Variants in CRTAP observed in about 807,000 individuals in gnomAD.
CRTAP encodes the protein cartilage associated protein, also known as cartilage-associated protein.
A neutral mutation model predicts 42.7 loss-of-function variants in CRTAP; 33 were observed. That is an observed-to-expected ratio of 0.77 (90% CI 0.59 to 1.03). The LOEUF (loss-of-function observed/expected upper bound fraction) is 1.03. Among genes scored for constraint, CRTAP ranks in the 50% least tolerant of loss-of-function variants. CRTAP has a pLI of 0.00. For synonymous variants in CRTAP, 243 were observed against 217.7 expected, an observed-to-expected ratio of 1.12 and a Z score of -1.02; for missense variants, 613 against 533.9, an observed-to-expected ratio of 1.15 and a Z score of -1.46.
intron 4 of CRTAP, among the ~76,000 whole-genome samples, chr3:33,131,486 C>T (rs1301075417): frequency 1.3e-5 from 2 of 152,156 alleles, no homozygotes; most frequent in East Asian, 1.9e-4. Flanking sequence ...GCTCCCTGGG[C>T]CTCTGAAATC....
rs1300091723 is a variant in CRTAP at position 33,142,644 on chromosome 3, T to C, written c.*196T>C. The C allele has an allele frequency of 2.1e-5, 12 of 580,284 alleles. No homozygotes were observed. The allele number at this position is 580,284 out of a possible 1,614,324, so 35.9% of individuals were successfully genotyped here. ...CTATCTTCACACCTGCCACCTCATG[T>C]TCACACCTATCTTTCTCACCTTTTT... On this transcript the variant is annotated 3_prime_UTR_variant, in exon 7 of 7. Transcript: ENST00000320954.
At chr3:33,130,893 C>T (rs982145045) in intron 4 of CRTAP, among the ~76,000 whole-genome samples, 4 of 152,082 alleles carry the variant, frequency 2.6e-5, no homozygotes, top group African/African-American at 9.7e-5. Context: ...TCAATCAGAA[C>T]GTTCTAGTGG....
Position 33,143,872 on chromosome 3 carries a change from G to A in CRTAP, c.*1424G>A, listed in dbSNP as rs972372035. 6.6e-6 allele frequency: 1 copy of A among 152,478 alleles called. No homozygotes were observed. Among genetic ancestry groups the A allele is most frequent in the Non-Finnish European group, 1.5e-5 (1 of 68,206 alleles). 9.4% of individuals were successfully genotyped at this position (152,478 alleles called of 1,614,324 possible). ...GGTCAGGAAAGAGCAGGGAGACCAA[G>A]CAGAGTCGTGGGCAGGGGTAGAATG... On this transcript the variant is annotated 3_prime_UTR_variant, in exon 7 of 7. Coordinates refer to ENST00000320954, the MANE Select transcript of CRTAP (RefSeq NM_006371.5).
intron 6 of CRTAP, among the ~76,000 whole-genome samples, chr3:33,138,208 A>G (rs866752740): frequency 2.6e-5 from 4 of 152,222 alleles, no homozygotes; most frequent in Non-Finnish European, 4.4e-5. Context: ...CTTCTTTTCC[A>G]AGATGATTTT....
intron 3 of CRTAP, among the ~76,000 whole-genome samples, chr3:33,128,747 A>G (rs1282966885): frequency 1.3e-5 from 2 of 152,214 alleles, no homozygotes; most frequent in Admixed American, 1.3e-4. Context: ...TCCTACCAGC[A>G]ATGTTTGAAA....
chr3:33,119,420 C>T (rs1701387127), intron 1 of CRTAP, among the ~76,000 whole-genome samples: 1 of 152,036 alleles, frequency 6.6e-6, no homozygotes, highest in South Asian at 2.1e-4. Context: ...CCAGAACTAG[C>T]CCAACAGAGA....
At position 33,147,359 on chromosome 3, in the gene CRTAP, A is replaced by T. The variant is rs1338506724; in HGVS notation, c.*4911A>T. On this transcript the variant is annotated 3_prime_UTR_variant, in exon 7 of 7. Transcript: ENST00000320954. ...ATCAAGAGCAGCTATTGTTATCCTT[A>T]GAGTGTTTTCCGTCTAGGGCCGGCT... 6.5e-6 allele frequency: 1 copy of T among 152,716 alleles called. No individual in the cohort carries two copies. The highest frequency in any genetic ancestry group is 2.1e-4 in the South Asian group (1 of 4,832). The allele number at this position is 152,716 out of a possible 1,614,324, so 9.5% of individuals were successfully genotyped here. A position where few individuals can be genotyped will look rare whatever the true frequency, so the allele number is the denominator to read the frequency against.
At chr3:33,133,242 T>C (rs2030321917) in intron 5 of CRTAP, among the ~76,000 whole-genome samples, 1 of 148,168 alleles carries the variant, frequency 6.7e-6, no homozygotes, top group Non-Finnish European at 1.5e-5. Context: ...TCTCTCGTAA[T>C]CCTACACCTT....
At chr3:33,127,522 A>C (rs1229470990) in intron 3 of CRTAP, among the ~76,000 whole-genome samples, 2 of 151,960 alleles carry the variant, frequency 1.3e-5, no homozygotes, top group African/African-American at 4.8e-5. Flanking sequence ...ATCTCGGCTC[A>C]CTGCAACCTC....
chr3:33,132,343 C>T (rs2030290583), intron 4 of CRTAP, among the ~76,000 whole-genome samples: 1 of 152,176 alleles, frequency 6.6e-6, no homozygotes. Context: ...TAGGCATGTG[C>T]CTAACTAGAA....
rs532271466 is a variant in CRTAP, at chr3:33,139,414, C to T, written c.1153-2981C>T. On this transcript the variant is annotated intron_variant, in intron 6 of 6. Transcript: ENST00000320954. Reference sequence around the variant, plus strand: ...ATTAAATGTGAAAGTACGTTATTAGCTGGGGGTTTTTTGTAGGTGCCCTTT... The same window carrying T: ...ATTAAATGTGAAAGTACGTTATTAGTTGGGGGTTTTTTGTAGGTGCCCTTT... Among the ~76,000 whole-genome samples the T allele has an allele frequency of 3.2e-4, 49 of 151,954 alleles. 1 individual carries two copies. In the Middle Eastern group the frequency reaches 0.01, roughly 32 times the overall value.
At chr3:33,121,130 T>C (rs59229836) in intron 2 of CRTAP, among the ~76,000 whole-genome samples, 28,277 of 152,052 alleles carry the variant, frequency 0.19, 3,874 homozygotes, top group East Asian at 0.58. Context: ...GGAATTTGGC[T>C]GGGCACAGTG....
chr3:33,129,576 T>A (rs531987870), intron 3 of CRTAP, among the ~76,000 whole-genome samples: 3 of 149,102 alleles, frequency 2.0e-5, no homozygotes, highest in South Asian at 2.1e-4. Flanking sequence ...CTTGCTCTGT[T>A]GCCCAGGCTG....
intron 2 of CRTAP, among the ~76,000 whole-genome samples, chr3:33,122,836 C>G (rs1409500816): frequency 2.0e-5 from 3 of 152,056 alleles, no homozygotes; most frequent in African/African-American, 7.2e-5. Flanking sequence ...GCTGAGAACT[C>G]CAAATGGAGG....
chr3:33,133,895 A>G (rs1161252226), intron 5 of CRTAP, among the ~76,000 whole-genome samples: 1 of 152,104 alleles, frequency 6.6e-6, no homozygotes, highest in Non-Finnish European at 1.5e-5. Flanking sequence ...TTGTATTTTC[A>G]TTGGGATTTC....
Position 33,120,366 on chromosome 3 carries a change from T to A in CRTAP, c.494T>A (p.Ile165Asn). 6.2e-7 allele frequency: 1 copy of A among 1,613,972 alleles called. No homozygotes were observed. Among genetic ancestry groups the A allele is most frequent in the Non-Finnish European group, 8.5e-7 (1 of 1,179,906 alleles). The change falls in exon 2 of 7, where the codon ATC (isoleucine) becomes AAC (asparagine). Residue 165 changes from isoleucine (I) to asparagine (N), a missense_variant. By Grantham distance (149) the Ile-to-Asn change is moderately radical. Coordinates refer to ENST00000320954, the MANE Select transcript of CRTAP (RefSeq NM_006371.5). The stretch of plus-strand genomic sequence containing the variant: ...TAGGCAAATAATCTCCCCAAAGCCA[T>A]CGCCGCTGCTCACACCTTTCTACTG... ...YFKANNLPKA[I>N]AAAHTFLLKH...
chr3:33,125,901 A>G (rs2030053589), intron 3 of CRTAP, among the ~76,000 whole-genome samples: 1 of 152,218 alleles, frequency 6.6e-6, no homozygotes, highest in Non-Finnish European at 1.5e-5. Context: ...ATTTGTTTGA[A>G]TCAGGATCCA....
Position 33,132,560 on chromosome 3 carries a change from G to T in CRTAP, c.928G>T (p.Asp310Tyr), listed in dbSNP as rs111525897. The change falls in exon 5 of 7, where the codon GAC becomes TAC. Residue 310 changes from aspartate (D) to tyrosine (Y), a missense_variant. Transcript: ENST00000320954. ...YLQFAYYKLN[D>Y]LKNAAPCAVS... The stretch of plus-strand genomic sequence containing the variant: ...TCTTTTCTTCCCAACCCTAGTGAAC[G>T]ACCTGAAGAATGCAGCCCCCTGTGC... 6.2e-7 allele frequency: 1 copy of T among 1,613,948 alleles called. No individual in the cohort carries two copies. The highest frequency in any genetic ancestry group is 8.5e-7 in the Non-Finnish European group (1 of 1,179,898).
intron 1 of CRTAP, among the ~76,000 whole-genome samples, chr3:33,114,964 G>A (rs1346296586): frequency 1.3e-5 from 2 of 152,006 alleles, no homozygotes; most frequent in Non-Finnish European, 2.9e-5. Flanking sequence ...ATTTTTTGTT[G>A]AGACAGGGTC....
Sources: gnomAD v4.1 joint callset for allele counts (sites outside exome capture counted in the v4.1 genomes callset) on GRCh38, gnomAD v4.1.1 for gene constraint, MANE v1.5 for transcripts, NCBI Gene and HGNC (gene_info 2026-07-23, HGNC 2026-07-21) for gene names.